KDM5A: variants seen among roughly 807,000 people sequenced by gnomAD.
KDM5A encodes lysine-specific demethylase 5A.
In KDM5A, 42 loss-of-function variants were observed where a neutral mutation model predicts 193.5. That is an observed-to-expected ratio of 0.22 (90% confidence interval 0.17 to 0.28). The LOEUF is 0.28. KDM5A is among the 10% of genes least tolerant of loss of function. KDM5A has a pLI of 1.00. For synonymous variants in KDM5A, 796 were observed against 718.1 expected (o/e 1.11, Z -1.73); for missense variants, 1,692 against 2,055.1 (o/e 0.82, Z 3.42).
intron 13 of KDM5A, 146 bp from the exon 14 acceptor site, chr12:329,175 C>T (rs908282655): frequency 5.6e-6 from 4 of 719,884 alleles, no homozygotes; most frequent in Non-Finnish European, 9.6e-6. Context: ...ATTCTATTAA[C>T]TGTAAATATT....
In KDM5A at chr12:297,036, A is replaced by T; in HGVS notation, c.4234+5T>A. 1 of 1,613,648 alleles carries T rather than the reference A, an allele frequency of 6.2e-7. No individual in the cohort carries two copies. ...GTTCCCCACAGTTTTTTAAAGGAGT[A>T]ATACCTTGAGAACAACTCTTAGAAG... On this transcript the variant is annotated splice_donor_5th_base_variant and intron_variant, in intron 25 of 27. Coordinates refer to ENST00000399788, the MANE Select transcript of KDM5A (RefSeq NM_001042603.3).
chr12:328,286 A>C (rs1279470053), intron 14 of KDM5A, among the ~76,000 whole-genome samples: 2 of 152,194 alleles, frequency 1.3e-5, no homozygotes, highest in Admixed American at 6.5e-5. Flanking sequence ...TGTAAACCTA[A>C]TGAAGCTAGC....
Position 307,472 on chromosome 12 carries a change from A to G in KDM5A, c.3912T>C (p.Ala1304=). The change falls in exon 23 of 28, where the codon GCT becomes GCC. Residue 1304 remains alanine, a synonymous_variant. Transcript: ENST00000399788. This position sits in a 1 kb window ranked among gnomAD's most constrained non-coding sequence, Gnocchi z 4.3. ...KIISAELQKA[A]ANPDLQGHLP... is the part of the protein sequence containing the mutation. The stretch of plus-strand genomic sequence containing the variant: ...AACTTGCCTGTAAGTCTGGATTGGC[A>G]GCTGCTTTTTGGAGTTCTGCACTGA... 6.2e-7 allele frequency: 1 copy of G among 1,613,216 alleles called. No homozygotes were observed. The highest frequency in any genetic ancestry group is 1.1e-5 in the South Asian group (1 of 91,036).
At chr12:366,725 T>C (rs1591934562) in intron 3 of KDM5A, among the ~76,000 whole-genome samples, 1 of 152,346 alleles carries the variant, frequency 6.6e-6, no homozygotes, top group Non-Finnish European at 1.5e-5. Flanking sequence ...ATTGGCTAAC[T>C]TGGCTGAATG....
chr12:317,129 G>A (rs1466756394), intron 19 of KDM5A, among the ~76,000 whole-genome samples: 1 of 152,046 alleles, frequency 6.6e-6, no homozygotes, highest in East Asian at 1.9e-4. Context: ...AGTCCAATGG[G>A]GTGCTGATGC....
At chr12:355,953 G>A (rs900260804) in intron 6 of KDM5A, among the ~76,000 whole-genome samples, 4 of 152,312 alleles carry the variant, frequency 2.6e-5, no homozygotes, top group East Asian at 3.9e-4. Flanking sequence ...ACTTCCAAAC[G>A]TGAAGCCGAG....
chr12:352,453 A>C, intron 8 of KDM5A, 129 bp from the exon 9 acceptor site: 1 of 800,142 alleles, frequency 1.2e-6, no homozygotes, highest in Non-Finnish European at 2.1e-6. Flanking sequence ...AGACAACAAA[A>C]CAAATATCAG....
intron 4 of KDM5A, 79 bp downstream of exon 4, chr12:365,855 T>C: frequency 1.4e-6 from 2 of 1,459,614 alleles, no homozygotes; most frequent in Non-Finnish European, 1.9e-6. Context: ...CCTGCTAACT[T>C]GGGTTAAACA....
chr12:362,390 T>TCA lies in KDM5A; in HGVS notation c.672+572_672+573insTG, dbSNP rs551913547. ...CATTTTTCTTCTGATGTATTAGGCT[T>TCA]TGAAATTATTTTAGGTTACATGAAC... On this transcript the variant is annotated intron_variant, in intron 5 of 27. Coordinates refer to ENST00000399788, the MANE Select transcript of KDM5A (RefSeq NM_001042603.3). 1.0e-2 allele frequency among the ~76,000 whole-genome samples: 1,519 copies of TCA among 152,256 alleles called. 15 individuals carry two copies. Among genetic ancestry groups the TCA allele is most frequent in the African/African-American group, 0.033 (1,388 of 41,550 alleles).
intron 15 of KDM5A, 41 bp downstream of exon 15, chr12:323,559 A>G: frequency 6.4e-7 from 1 of 1,568,620 alleles, no homozygotes; most frequent in Non-Finnish European, 8.8e-7. Flanking sequence ...ACTTGGTTTT[A>G]AAAAAAGGTA....
Position 388,992 on chromosome 12 carries a change from T to C in KDM5A, c.100A>G (p.Ser34Gly), listed in dbSNP as rs1306330635. Residue 34 changes from serine to glycine, a missense_variant, in exon 1 of 28, where the codon AGC (serine) becomes GGC (glycine). By Grantham distance (56) the Ser-to-Gly change is moderately conservative. Around this residue, in one of 11 missense-constraint regions of KDM5A, gnomAD observed 84 missense variants for 68.2 expected, o/e 1.23. Coordinates refer to ENST00000399788, the MANE Select transcript of KDM5A (RefSeq NM_001042603.3). ...PSWEEFTDPL[S>G]FIGRIRPLAE... is the part of the protein sequence containing the mutation. ...AAAGGCCGGATGCGGCCGATAAAGC[T>C]GAGCGGATCTGTGAACTCCTCCCAA... is the stretch of plus-strand genomic sequence containing the variant. 5 of 1,613,892 alleles carry C rather than the reference T, an allele frequency of 3.1e-6. No homozygotes were observed. The highest frequency in any genetic ancestry group is 4.2e-6 in the Non-Finnish European group (5 of 1,179,956).
chr12:308,337 C>T (rs1943539512), intron 22 of KDM5A, among the ~76,000 whole-genome samples: 1 of 152,062 alleles, frequency 6.6e-6, no homozygotes, highest in Non-Finnish European at 1.5e-5. Flanking sequence ...TCAGAACGTC[C>T]GTTTTCTGAA....
At position 297,157 on chromosome 12, in the gene KDM5A, A is replaced by G; in HGVS notation, c.4118T>C (p.Leu1373Pro). 6.2e-7 allele frequency: 1 copy of G among 1,614,132 alleles called. No individual in the cohort carries two copies. Residue 1373 changes from leucine to proline, a missense_variant, in exon 25 of 28, where the codon CTT becomes CCT. Around this residue, in one of 11 missense-constraint regions of KDM5A, gnomAD observed 965 missense variants for 1,061.0 expected, o/e 0.91. Coordinates refer to ENST00000399788, the MANE Select transcript of KDM5A (RefSeq NM_001042603.3). Reference sequence around the variant, plus strand: ...GATGGGAATCTCTTCATCACAAAAAAGATTGGGTTCAAGACTACTAGAGGA... The same window carrying G: ...GATGGGAATCTCTTCATCACAAAAAGGATTGGGTTCAAGACTACTAGAGGA... The part of the protein sequence containing the change: ...VKSSSSLEPN[L>P]FCDEEIPIKS...
chr12:291,888 T>C (rs927450498), intron 27 of KDM5A, among the ~76,000 whole-genome samples: 1 of 151,526 alleles, frequency 6.6e-6, no homozygotes, highest in African/African-American at 2.4e-5. Flanking sequence ...GGGTTGGAAA[T>C]TTTAAAACAA....
chr12:373,177 C>G (rs1944454156), intron 3 of KDM5A, among the ~76,000 whole-genome samples: 1 of 152,196 alleles, frequency 6.6e-6, no homozygotes, highest in Admixed American at 6.5e-5. Flanking sequence ...GTACCAGCTC[C>G]TCCTTGTACA....
Position 331,806 on chromosome 12 carries a change from C to A in KDM5A, c.1773+13G>T, listed in dbSNP as rs1943869786. Reference sequence around the variant, plus strand: ...TTAGTAGACGTACAACAGCCACTTGCTATAGAACAGACCCAGTCAGCAGTA... The same window carrying A: ...TTAGTAGACGTACAACAGCCACTTGATATAGAACAGACCCAGTCAGCAGTA... On this transcript the variant is annotated intron_variant, in intron 13 of 27. Coordinates refer to ENST00000399788, the MANE Select transcript of KDM5A (RefSeq NM_001042603.3). 6.8e-6 allele frequency: 11 copies of A among 1,613,766 alleles called. No homozygotes were observed. Among genetic ancestry groups the A allele is most frequent in the Non-Finnish European group, 9.3e-6 (11 of 1,179,786 alleles).
At chr12:387,344 C>A in intron 1 of KDM5A, 1 of 253,230 alleles carries the variant, frequency 3.9e-6, no homozygotes, top group South Asian at 3.5e-5. Context: ...AGCATTATTT[C>A]AGCATTTTTT....
chr12:340,461 C>T (rs981116937), intron 10 of KDM5A, among the ~76,000 whole-genome samples: 2 of 151,992 alleles, frequency 1.3e-5, no homozygotes, highest in South Asian at 2.1e-4. Context: ...TTTGGGAGGC[C>T]AAGGCGGGCA....
intron 14 of KDM5A, among the ~76,000 whole-genome samples, 195 bp downstream of exon 14, chr12:328,640 G>C (rs74055641): frequency 0.021 from 3,256 of 152,210 alleles, 100 homozygotes; most frequent in African/African-American, 0.074. Flanking sequence ...TAAAAACCTA[G>C]AGATGACAAG....
Sources: gnomAD v4.1 joint callset for allele counts (sites outside exome capture counted in the v4.1 genomes callset) on GRCh38, gnomAD v4.1.1 for gene constraint, gnomAD v4.1.1 regional missense constraint, Gnocchi (gnomAD v3.1) non-coding constraint, MANE v1.5 for transcripts, NCBI Gene and HGNC (gene_info 2026-07-23, HGNC 2026-07-21) for gene names.